Variants in TMC5 observed in about 807,000 individuals in gnomAD.
TMC5 encodes the protein transmembrane channel-like protein 5.
Under a neutral mutation model 110.5 loss-of-function variants are expected in TMC5, and 86 were observed. The observed-to-expected ratio is 0.78, with a 90% CI of 0.65 to 0.93. TMC5 has a LOEUF of 0.93. TMC5 is among the 40% of genes least tolerant of loss of function. The pLI is 0.00. For synonymous variants in TMC5, 455 were observed against 439.5 expected (o/e 1.04, Z -0.44); for missense variants, 1,144 against 1,222.8 (o/e 0.94, Z 0.96).
At chr16:19,464,841 A>T (rs1968117566) in intron 8 of TMC5, among the ~76,000 whole-genome samples, 1 of 150,422 alleles carries the variant, frequency 6.6e-6, no homozygotes, top group Non-Finnish European at 1.5e-5. Flanking sequence ...ATCTTTGTAG[A>T]CTGTTTTTTT....
In TMC5 at chr16:19,469,264, G is replaced by C. The variant is rs564220377; in HGVS notation, c.1638-417G>C. 6.6e-5 allele frequency among the ~76,000 whole-genome samples: 10 copies of C among 151,360 alleles called. No homozygotes were observed. The South Asian group carries it at 2.1e-3, about 32-fold the overall frequency. Reference sequence around the variant, plus strand: ...TGTTACTTGGGAGACTGAGGCAGGAGAATCGCTTGAACCTTGGAGGTGGAG... The same window carrying C: ...TGTTACTTGGGAGACTGAGGCAGGACAATCGCTTGAACCTTGGAGGTGGAG... On this transcript the variant is annotated intron_variant, in intron 9 of 21. Transcript: ENST00000542583.
At chr16:19,496,805 G>A (rs1256231205) in intron 20 of TMC5, among the ~76,000 whole-genome samples, 2 of 145,154 alleles carry the variant, frequency 1.4e-5, no homozygotes, top group African/African-American at 5.1e-5. Context: ...CGGGAAAATC[G>A]CTGGAACCCG....
chr16:19,433,658 G>C (rs12597885), intron 2 of TMC5, among the ~76,000 whole-genome samples: 121,225 of 151,878 alleles, frequency 0.8, 48,504 homozygotes, highest in South Asian at 0.91. Context: ...CCTTTTTATT[G>C]CCACACATAG....
chr16:19,489,436 G>A (rs1259156408), intron 17 of TMC5, among the ~76,000 whole-genome samples: 2 of 152,090 alleles, frequency 1.3e-5, no homozygotes, highest in African/African-American at 4.8e-5. Flanking sequence ...CCAGGTTCAC[G>A]CCCTTCTCCT....
chr16:19,490,255 G>T, intron 17 of TMC5, 140 bp from the exon 18 acceptor site: 1 of 825,652 alleles, frequency 1.2e-6, no homozygotes, highest in Admixed American at 2.4e-5. Context: ...GAGCAAGAGG[G>T]TTTCTTTGGG....
Position 19,492,216 on chromosome 16 carries a change from G to C in TMC5, c.2814G>C (p.Glu938Asp). The change falls in exon 19 of 22, where the codon GAG (glutamate) becomes GAC (aspartate). Residue 938 changes from glutamate to aspartate, a missense_variant. Coordinates refer to ENST00000542583, the MANE Select transcript of TMC5 (RefSeq NM_001261841.2). Reference sequence around the variant, plus strand: ...AGATTATGATAAGGCTGCTCCATGAGCAGATCATTAATGTAAGTCCCCTTG... The same window carrying C: ...AGATTATGATAAGGCTGCTCCATGACCAGATCATTAATGTAAGTCCCCTTG... The part of the protein sequence containing the change: ...GRKIMIRLLH[E>D]QIINEGKDKM... The C allele has an allele frequency of 6.2e-7, 1 of 1,613,122 alleles. No individual in the cohort carries two copies. Among genetic ancestry groups the C allele is most frequent in the Non-Finnish European group, 8.5e-7 (1 of 1,179,182 alleles).
In TMC5 at chr16:19,487,222, G is replaced by T. The variant is rs574368815; in HGVS notation, c.2469G>T (p.Pro823=). ...GCCTGATGATGAATTTCCAGCCTCC[G>T]AGCAAAGCCTGGCGGGCCTCACAGA... ...NISLMMNFQP[P]SKAWRASQMM... is the part of the protein sequence containing the mutation. The change falls in exon 17 of 22, where the codon CCG becomes CCT. Residue 823 remains proline, a synonymous_variant. Transcript: ENST00000542583. The T allele has an allele frequency of 1.2e-6, 2 of 1,613,596 alleles. No individual in the cohort carries two copies. The highest frequency in any genetic ancestry group is 1.7e-6 in the Non-Finnish European group (2 of 1,179,886).
chr16:19,422,740 C>T (rs2143363501), intron 1 of TMC5, among the ~76,000 whole-genome samples: 1 of 152,104 alleles, frequency 6.6e-6, no homozygotes, highest in African/African-American at 2.4e-5. Flanking sequence ...GTGGGTGGAT[C>T]ATGAGGTCAG....
In TMC5 at chr16:19,444,197, A is replaced by G. The variant is rs1208118742; in HGVS notation, c.905A>G (p.Glu302Gly). Reference sequence around the variant, plus strand: ...GAAGGCATTGAAATGGCATCCATGGAGATGGCAAACTCATATGGCCACTCT... The same window carrying G: ...GAAGGCATTGAAATGGCATCCATGGGGATGGCAAACTCATATGGCCACTCT... ...YPEGIEMASMEMANSYGHSLP... is the reference protein window; with the variant it reads ...YPEGIEMASMGMANSYGHSLP... Residue 302 changes from glutamate to glycine, a missense_variant, in exon 4 of 22, where the codon GAG becomes GGG. Glu to Gly is a moderately conservative substitution (Grantham distance 98). Transcript: ENST00000542583. The G allele has an allele frequency of 1.2e-6, 2 of 1,614,032 alleles. No individual in the cohort carries two copies. The highest frequency in any genetic ancestry group is 2.2e-5 in the South Asian group (2 of 91,076).
intron 4 of TMC5, among the ~76,000 whole-genome samples, chr16:19,448,708 ATATAT>A (rs950458761): frequency 9.3e-4 from 134 of 144,172 alleles, no homozygotes; most frequent in Middle Eastern, 3.6e-3. Context: ...ATATATTTTA[ATATAT>A]TATATTTATT....
In TMC5 at chr16:19,495,011, CTT is replaced by C. The variant is rs56178955; in HGVS notation, c.2931+665_2931+666del. The stretch of plus-strand genomic sequence containing the variant: ...CACTATGAATACTTCAGTGTCTATT[CTT>C]TTTTTTTTTTTTTTTTTTTGAGACG... On this transcript the variant is annotated intron_variant, in intron 20 of 21. Coordinates refer to ENST00000542583, the MANE Select transcript of TMC5 (RefSeq NM_001261841.2). Among the ~76,000 whole-genome samples, 98 of 40,474 alleles carry C rather than the reference CTT, an allele frequency of 2.4e-3. 3 individuals are homozygous for C. The highest frequency in any genetic ancestry group is 8.7e-3 in the African/African-American group (93 of 10,728). The allele number at this position is 40,474 out of a possible 152,430, so 26.6% of individuals were successfully genotyped here.
chr16:19,466,201 C>A lies in TMC5; in HGVS notation c.1605C>A (p.Cys535Ter), dbSNP rs1479464263. The change falls in exon 9 of 22, where the codon TGC becomes TGA. Residue 535 changes from cysteine (C) to a stop codon, truncating the protein, a stop_gained. Coordinates refer to ENST00000542583, the MANE Select transcript of TMC5 (RefSeq NM_001261841.2). LOFTEE classifies it high-confidence loss of function. ...CCTACATCTTCACAATCGGAGCATG[C>A]TTGACCACCTGCTTCTTCAGTTTGC... is the stretch of plus-strand genomic sequence containing the variant. ...QLAYIFTIGA[C>*]LTTCFFSLLF... is the part of the protein sequence containing the mutation. The A allele has an allele frequency of 6.2e-7, 1 of 1,614,030 alleles. No homozygotes were observed. The highest frequency in any genetic ancestry group is 1.3e-5 in the African/African-American group (1 of 74,906).
At chr16:19,420,908 T>C (rs1282334119) in intron 1 of TMC5, among the ~76,000 whole-genome samples, 1 of 152,166 alleles carries the variant, frequency 6.6e-6, no homozygotes. Context: ...AAAGGAGAAA[T>C]GGAATTTTAT....
intron 1 of TMC5, among the ~76,000 whole-genome samples, chr16:19,425,219 T>G (rs779049878): frequency 6.6e-6 from 1 of 152,162 alleles, no homozygotes; most frequent in Non-Finnish European, 1.5e-5. Flanking sequence ...GCTTCAAAGC[T>G]GTGGTTATGT....
chr16:19,410,700 G>T (rs985486477), upstream of TMC5: 2 of 152,274 alleles, frequency 1.3e-5, no homozygotes, highest in Non-Finnish European at 2.9e-5. Flanking sequence ...TGCAGGGAGC[G>T]CCGCCTGCGG....
intron 5 of TMC5, among the ~76,000 whole-genome samples, chr16:19,453,180 G>A (rs1291569768): frequency 1.3e-5 from 2 of 151,968 alleles, no homozygotes; most frequent in South Asian, 2.1e-4. Flanking sequence ...CAGGCTGGGT[G>A]CACTGGCTCA....
Position 19,442,412 on chromosome 16 carries a change from T to A in TMC5, c.788+1586T>A, listed in dbSNP as rs555101521. On this transcript the variant is annotated intron_variant, in intron 3 of 21. Transcript: ENST00000542583. ...GGCTCAGTTTTGGCTCACTGCAACCTCCATCTCTTAGGTTCAAGTGATTCT... is the reference window on the plus strand; with the variant it reads ...GGCTCAGTTTTGGCTCACTGCAACCACCATCTCTTAGGTTCAAGTGATTCT... Among the ~76,000 whole-genome samples, 21 of 149,034 alleles carry A rather than the reference T, an allele frequency of 1.4e-4. No individual in the cohort carries two copies. The South Asian group carries it at 4.5e-3, about 32-fold the overall frequency.
intron 2 of TMC5, among the ~76,000 whole-genome samples, chr16:19,434,238 ATATC>A (rs944302125): frequency 4.8e-5 from 6 of 124,384 alleles, no homozygotes; most frequent in African/African-American, 1.6e-4. Context: ...TATATAATAT[ATATC>A]TATCTAAAAT....
At chr16:19,421,563 C>A (rs1966983218) in intron 1 of TMC5, among the ~76,000 whole-genome samples, 1 of 152,182 alleles carries the variant, frequency 6.6e-6, no homozygotes, top group Admixed American at 6.5e-5. Flanking sequence ...TTATAAATTA[C>A]CTAGTCTCAG....
Sources: gnomAD v4.1 joint callset for allele counts (sites outside exome capture counted in the v4.1 genomes callset) on GRCh38, gnomAD v4.1.1 for gene constraint, MANE v1.5 for transcripts, NCBI Gene and HGNC (gene_info 2026-07-23, HGNC 2026-07-21) for gene names.